Variants in EOGT observed in about 807,000 individuals in gnomAD.
EOGT encodes EGF domain-specific O-linked N-acetylglucosamine transferase.
In EOGT, 55 loss-of-function variants were observed where a neutral mutation model predicts 70.5. The ratio of observed to expected loss-of-function variants is 0.78; its 90% confidence interval spans 0.63 to 0.98. EOGT has a LOEUF of 0.98. Ranked by LOEUF, EOGT falls within the 50% of genes least tolerant of loss-of-function variation. The pLI is 0.00. For missense variants in EOGT, 703 were observed against 641.9 expected (o/e 1.10, Z -1.03); for synonymous variants, 246 against 217.1 (o/e 1.13, Z -1.17).
intron 14 of EOGT, among the ~76,000 whole-genome samples, chr3:68,984,131 G>C (rs1468125047): frequency 1.3e-5 from 2 of 152,102 alleles, no homozygotes; most frequent in Non-Finnish European, 2.9e-5. Context: ...CCCAGAACCT[G>C]CGTTCTTAAC....
Position 68,976,638 on chromosome 3 carries a change from C to CTGTGTGTGTGTGTGTG in EOGT, c.*979_*980insCACACACACACACACA, listed in dbSNP as rs1250842365. 2 of 57,056 alleles carry CTGTGTGTGTGTGTGTG rather than the reference C, an allele frequency of 3.5e-5. No individual in the cohort carries two copies. Among genetic ancestry groups the CTGTGTGTGTGTGTGTG allele is most frequent in the African/African-American group, 1.8e-4 (2 of 10,832 alleles). The allele number at this position is 57,056 out of a possible 1,614,324, so 3.5% of individuals were successfully genotyped here. On this transcript the variant is annotated 3_prime_UTR_variant, in exon 18 of 18. Coordinates refer to ENST00000383701, the MANE Select transcript of EOGT (RefSeq NM_001278689.2). Reference sequence around the variant, plus strand: ...TAGCTTGGTACTGAGAATCACAACTCTGCGTGTGTGTGTGTGTGTGTGTGT... The same window carrying CTGTGTGTGTGTGTGTG: ...TAGCTTGGTACTGAGAATCACAACTCTGTGTGTGTGTGTGTGTGCGTGTGTGTGTGTGTGTGTGTGT...
intron 14 of EOGT, among the ~76,000 whole-genome samples, chr3:68,983,422 C>A (rs2090709517): frequency 6.6e-6 from 1 of 152,200 alleles, no homozygotes; most frequent in African/African-American, 2.4e-5. Context: ...ATTCTTCTAG[C>A]AAACAGAAAG....
intron 3 of EOGT, 103 bp downstream of exon 3, chr3:69,011,833 C>T (rs888833669): frequency 6.6e-6 from 1 of 151,994 alleles, no homozygotes; most frequent in African/African-American, 2.4e-5. Context: ...ATAACATTTT[C>T]ACTTGGAGCT....
intron 9 of EOGT, 149 bp downstream of exon 9, chr3:69,001,459 C>G (rs2091290676): frequency 1.8e-6 from 1 of 553,916 alleles, no homozygotes; most frequent in Non-Finnish European, 3.1e-6. Context: ...CAAATTAGTT[C>G]AACTACTTCT....
intron 15 of EOGT, among the ~76,000 whole-genome samples, chr3:68,980,652 A>G (rs2090612847): frequency 6.6e-6 from 1 of 152,240 alleles, no homozygotes; most frequent in Non-Finnish European, 1.5e-5. Flanking sequence ...TACACCAGCT[A>G]ACAACAAAAA....
At chr3:68,980,958 G>A (rs140901116) in intron 15 of EOGT, among the ~76,000 whole-genome samples, 66 of 152,300 alleles carry the variant, frequency 4.3e-4, no homozygotes, top group African/African-American at 1.0e-3. Flanking sequence ...CAGCCTCAGA[G>A]GTGCCCTGCC....
At chr3:68,986,052 A>G (rs957506346) in intron 14 of EOGT, among the ~76,000 whole-genome samples, 3 of 152,138 alleles carry the variant, frequency 2.0e-5, no homozygotes, top group Non-Finnish European at 4.4e-5. Context: ...CACTTCCCTT[A>G]TATCTCCCTC....
In EOGT at chr3:68,994,199, C is replaced by G. The variant is rs370471692; in HGVS notation, c.831+3812G>C. 8.5e-5 allele frequency among the ~76,000 whole-genome samples: 13 copies of G among 152,050 alleles called. No homozygotes were observed. The South Asian group carries it at 2.5e-3, about 29-fold the overall frequency. ...ATAACACATATATGGAAAAGAATAG[C>G]CAGGTATGGTGGCATGCACATGTAG... On this transcript the variant is annotated intron_variant, in intron 10 of 17. Coordinates refer to ENST00000383701, the MANE Select transcript of EOGT (RefSeq NM_001278689.2).
chr3:69,004,610 A>G, intron 7 of EOGT, 128 bp from the exon 8 acceptor site: 1 of 652,762 alleles, frequency 1.5e-6, no homozygotes, highest in Non-Finnish European at 2.6e-6. Flanking sequence ...TATTTACAAT[A>G]GAAAATTTCA....
intron 10 of EOGT, among the ~76,000 whole-genome samples, chr3:68,994,131 C>G (rs781568247): frequency 1.8e-4 from 27 of 152,056 alleles, no homozygotes; most frequent in Non-Finnish European, 2.9e-4. Flanking sequence ...ATTATATATA[C>G]GCACACACAC....
At chr3:68,987,933 T>C in intron 13 of EOGT, 1 of 331,478 alleles carries the variant, frequency 3.0e-6, no homozygotes, top group African/African-American at 2.1e-5. Flanking sequence ...GGGTTTTGTT[T>C]TGGGGCAGTC....
In EOGT at chr3:68,975,585, G is replaced by T. The variant is rs1185834801; in HGVS notation, c.*2033C>A. 3 of 152,470 alleles carry T rather than the reference G, an allele frequency of 2.0e-5. No homozygotes were observed. The highest frequency in any genetic ancestry group is 1.3e-4 in the Admixed American group (2 of 15,256). The allele number at this position is 152,470 out of a possible 1,614,324, so 9.4% of individuals were successfully genotyped here. On this transcript the variant is annotated 3_prime_UTR_variant, in exon 18 of 18. Coordinates refer to ENST00000383701, the MANE Select transcript of EOGT (RefSeq NM_001278689.2). Reference sequence around the variant, plus strand: ...AGTCAATGCCTTGCTGATGCAAAGCGCAACATGCTTTTGTCATCCCTTTCA... The same window carrying T: ...AGTCAATGCCTTGCTGATGCAAAGCTCAACATGCTTTTGTCATCCCTTTCA...
chr3:68,988,021 T>C (rs974282756), intron 13 of EOGT, among the ~76,000 whole-genome samples: 1 of 152,204 alleles, frequency 6.6e-6, no homozygotes, highest in Admixed American at 6.5e-5. Context: ...TTCAAGCGAT[T>C]CTCATGCCCC....
At chr3:69,004,594 T>C (rs1433407152) in intron 7 of EOGT, 112 bp from the exon 8 acceptor site, 2 of 684,670 alleles carry the variant, frequency 2.9e-6, no homozygotes, top group Non-Finnish European at 5.0e-6. Context: ...TTTAAAAGAA[T>C]TTAACTATTT....
chr3:69,008,443 T>G lies in EOGT; in HGVS notation c.296A>C (p.Tyr99Ser). Residue 99 changes from tyrosine to serine, a missense_variant, in exon 5 of 18, where the codon TAT (tyrosine) becomes TCT (serine). Transcript: ENST00000383701. ...GGAAACTTACCATCCCATGTCGACATAGCTGCAAACTGGGTAACCAAACCT... is the reference window on the plus strand; with the variant it reads ...GGAAACTTACCATCCCATGTCGACAGAGCTGCAAACTGGGTAACCAAACCT... ...EFRFGYPVCS[Y>S]VDMGWTDTLE... The G allele has an allele frequency of 6.2e-7, 1 of 1,613,556 alleles. No individual in the cohort carries two copies. The highest frequency in any genetic ancestry group is 8.5e-7 in the Non-Finnish European group (1 of 1,179,480).
intron 17 of EOGT, 23 bp from the exon 18 acceptor site, chr3:68,977,787 G>A (rs781127806): frequency 2.6e-5 from 42 of 1,601,752 alleles, no homozygotes; most frequent in Non-Finnish European, 3.2e-5. Flanking sequence ...ACCAAAACAC[G>A]AATCCATAAC....
Position 69,009,806 on chromosome 3 carries a change from A to T in EOGT, c.41T>A (p.Val14Asp). The T allele has an allele frequency of 1.2e-6, 2 of 1,614,042 alleles. No individual in the cohort carries two copies. Among genetic ancestry groups the T allele is most frequent in the South Asian group, 1.1e-5 (1 of 91,082 alleles). ...LFVFGVLLHE[V>D]SLSGQNEAPP... ...AGCTTCATTCTGACCACTCAGTGAG[A>T]CTTCATGAAGTAAGACTCCAAAGAC... The change falls in exon 4 of 18, where the codon GTC becomes GAC. Residue 14 changes from valine (V) to aspartate (D), a missense_variant. Val to Asp is a radical substitution (Grantham distance 152). Transcript: ENST00000383701.
chr3:68,978,318 G>A lies in EOGT; in HGVS notation c.1437+15C>T, dbSNP rs377724323. On this transcript the variant is annotated intron_variant, in intron 17 of 17. Transcript: ENST00000383701. ...TTAAAAATGAAGCAAGGTAAGTTTT[G>A]TGATTGAACTTTACCTTATCCTGAG... is the stretch of plus-strand genomic sequence containing the variant. 6.3e-7 allele frequency: 1 copy of A among 1,581,014 alleles called. No individual in the cohort carries two copies. The highest frequency in any genetic ancestry group is 8.7e-7 in the Non-Finnish European group (1 of 1,154,910).
intron 4 of EOGT, 36 bp downstream of exon 4, chr3:69,009,601 C>T (rs1469734990): frequency 2.6e-6 from 4 of 1,539,120 alleles, no homozygotes; most frequent in Non-Finnish European, 3.6e-6. Context: ...GAAATTGCAT[C>T]CTCATAAAAA....
Sources: allele counts gnomAD v4.1 joint callset (sites outside exome capture counted in the v4.1 genomes callset), GRCh38; gene constraint gnomAD v4.1.1; transcripts MANE v1.5; gene names NCBI Gene and HGNC (gene_info 2026-07-23, HGNC 2026-07-21).